HSF2BP: variants seen among roughly 807,000 people sequenced by gnomAD.
HSF2BP encodes heat shock factor 2-binding protein.
A neutral mutation model predicts 35.0 loss-of-function variants in HSF2BP; 35 were observed. That is an observed-to-expected ratio of 1.00 (90% CI 0.76 to 1.32). The LOEUF (loss-of-function observed/expected upper bound fraction) is 1.32, where lower values mean the gene tolerates loss of function less well. Among genes scored for constraint, HSF2BP ranks in the 40% most tolerant of loss-of-function variants. HSF2BP has a pLI of 0.00. For missense variants in HSF2BP, 326 were observed against 321.7 expected (o/e 1.01, Z -0.10); for synonymous variants, 114 against 117.4 (o/e 0.97, Z 0.18).
chr21:43,632,493 A>G (rs553644563), intron 5 of HSF2BP, among the ~76,000 whole-genome samples: 71 of 136,332 alleles, frequency 5.2e-4, no homozygotes, highest in African/African-American at 1.8e-3. Flanking sequence ...TGCCACACAC[A>G]CACACAGTTG....
the HSF2BP span, among the ~76,000 whole-genome samples, chr21:43,494,894 C>T: frequency 2.8e-5 from 3 of 108,590 alleles, 1 homozygote; most frequent in Non-Finnish European, 5.8e-5. Context: ...GAATGTCCGG[C>T]GTGGGCAGTG....
rs1019326827 is a variant in HSF2BP, at chr21:43,657,791, C to T, written c.36+270G>A. 29 of 963,946 alleles carry T rather than the reference C, an allele frequency of 3.0e-5. 1 individual carries two copies. In the South Asian group the frequency reaches 5.3e-4, roughly 18 times the overall value. The allele number at this position is 963,946 out of a possible 1,614,324, so 59.7% of individuals were successfully genotyped here. A position where few individuals can be genotyped will look rare whatever the true frequency, so the allele number is the denominator to read the frequency against. ...GAGAAGAGAGTGACCATCCATCCCA[C>T]GCTCCCATGCCCGCTTTGGCGCCAC... On this transcript the variant is annotated intron_variant, in intron 2 of 8. Transcript: ENST00000291560.
At chr21:43,649,458 G>A (rs1315424517) in intron 3 of HSF2BP, among the ~76,000 whole-genome samples, 1 of 151,696 alleles carries the variant, frequency 6.6e-6, no homozygotes, top group Non-Finnish European at 1.5e-5. Flanking sequence ...AAAATCTGTT[G>A]GTCAAATATC....
intron 3 of HSF2BP, among the ~76,000 whole-genome samples, chr21:43,647,674 C>T (rs149973532): frequency 3.6e-4 from 54 of 152,064 alleles, no homozygotes; most frequent in African/African-American, 1.2e-3. Flanking sequence ...GCACAAACGG[C>T]GTCAATTTAT....
At chr21:43,578,417 C>T (rs1382103083) in intron 8 of HSF2BP, among the ~76,000 whole-genome samples, 1 of 151,922 alleles carries the variant, frequency 6.6e-6, no homozygotes, top group Non-Finnish European at 1.5e-5. Context: ...TTCCCTGAGT[C>T]ATATGATCCA....
intron 5 of HSF2BP, among the ~76,000 whole-genome samples, chr21:43,632,750 G>A (rs2082497961): frequency 6.6e-6 from 1 of 152,150 alleles, no homozygotes; most frequent in Admixed American, 6.5e-5. Context: ...GTTAATCAAC[G>A]ATTTATGTTG....
chr21:43,572,481 G>A (rs2081589563), intron 8 of HSF2BP, among the ~76,000 whole-genome samples: 1 of 152,208 alleles, frequency 6.6e-6, no homozygotes, highest in South Asian at 2.1e-4. Context: ...GGTGTGAAGT[G>A]CAGCAGAGAG....
At chr21:43,445,596 G>C in the HSF2BP span, among the ~76,000 whole-genome samples, 206 of 104,892 alleles carry the variant, frequency 2.0e-3, 28 homozygotes, top group Middle Eastern at 0.021. Context: ...AAGGCAGCCG[G>C]GTGGGCACCA....
At chr21:43,603,571 G>C (rs746405671) in intron 7 of HSF2BP, among the ~76,000 whole-genome samples, 6 of 152,234 alleles carry the variant, frequency 3.9e-5, no homozygotes, top group Non-Finnish European at 7.3e-5. Context: ...GCAGACACCT[G>C]AGAGGCTGAT....
chr21:43,639,718 A>C (rs745378030), intron 4 of HSF2BP, among the ~76,000 whole-genome samples: 1 of 152,200 alleles, frequency 6.6e-6, no homozygotes, highest in Admixed American at 6.5e-5. Context: ...TCTGGAAAAC[A>C]ATTTGGCAAT....
intron 7 of HSF2BP, among the ~76,000 whole-genome samples, chr21:43,592,533 G>A (rs547828741): frequency 1.1e-4 from 17 of 152,174 alleles, no homozygotes; most frequent in Admixed American, 3.9e-4. Flanking sequence ...ACATAATACC[G>A]CCTTTCATAG....
chr21:43,643,539 TCACA>T (rs1568938077), intron 4 of HSF2BP, among the ~76,000 whole-genome samples: 1 of 152,174 alleles, frequency 6.6e-6, no homozygotes, highest in Non-Finnish European at 1.5e-5. Context: ...TGTGATCTCG[TCACA>T]CAGCCAGCTC....
chr21:43,499,859 CAT>C, the HSF2BP span, among the ~76,000 whole-genome samples: 1 of 116,720 alleles, frequency 8.6e-6, no homozygotes, highest in African/African-American at 3.2e-5. Context: ...ACCATACATG[CAT>C]ACACGCCACA....
At chr21:43,593,449 G>T (rs1292618034) in intron 7 of HSF2BP, among the ~76,000 whole-genome samples, 1 of 152,004 alleles carries the variant, frequency 6.6e-6, no homozygotes, top group Non-Finnish European at 1.5e-5. Context: ...ATAATATGAC[G>T]CATGAGAAAA....
At chr21:43,614,403 A>T (rs927734949) in intron 6 of HSF2BP, among the ~76,000 whole-genome samples, 5 of 152,044 alleles carry the variant, frequency 3.3e-5, no homozygotes, top group African/African-American at 1.2e-4. Context: ...ATGACAGCTC[A>T]GAAAGAATCA....
intron 8 of HSF2BP, among the ~76,000 whole-genome samples, chr21:43,575,010 C>T (rs2081624753): frequency 6.6e-6 from 1 of 152,232 alleles, no homozygotes. Context: ...CACAGGCAAC[C>T]AGGGCACAGG....
At position 43,644,379 on chromosome 21, in the gene HSF2BP, T is replaced by A. The variant is rs1170969457; in HGVS notation, c.201A>T (p.Lys67Asn). The change falls in exon 4 of 9, where the codon AAA (lysine) becomes AAT (asparagine). Residue 67 changes from lysine to asparagine, a missense_variant. By Grantham distance (94) the Lys-to-Asn change is moderately conservative (BLOSUM62 0). Coordinates refer to ENST00000291560, the MANE Select transcript of HSF2BP (RefSeq NM_007031.2). ...LKIVEKNLER[K>N]EQELEQLKMD... is the part of the protein sequence containing the mutation. ...TTTTCAGCTGCTCTAATTCTTGCTC[T>A]TTCCTTTCCAGGTCTAGGAGAAAGA... 6.2e-7 allele frequency: 1 copy of A among 1,613,800 alleles called. No homozygotes were observed.
chr21:43,592,280 CA>C lies in HSF2BP; in HGVS notation c.740del (p.Leu247Ter). ...LYNVSINLKG[L>X]KYISESPGFI... The stretch of plus-strand genomic sequence containing the variant: ...ATCCTGGACTCTCGCTGATGTATTT[CA>C]AGCCTTTCAAATTGATGCTTACATT... On this transcript the variant is annotated frameshift_variant, in exon 8 of 9. Transcript: ENST00000291560. LOFTEE classifies it high-confidence loss of function. 6.2e-7 allele frequency: 1 copy of C among 1,613,980 alleles called. No individual in the cohort carries two copies. The highest frequency in any genetic ancestry group is 8.5e-7 in the Non-Finnish European group (1 of 1,179,894).
At chr21:43,632,033 C>CCA (rs1230663543) in intron 5 of HSF2BP, among the ~76,000 whole-genome samples, 1 of 84,898 alleles carries the variant, frequency 1.2e-5, no homozygotes, top group Non-Finnish European at 2.2e-5. Flanking sequence ...ACACATGCTC[C>CCA]CACACACACA....
Sources: gnomAD v4.1 joint callset for allele counts (sites outside exome capture counted in the v4.1 genomes callset) on GRCh38, gnomAD v4.1.1 for gene constraint, MANE v1.5 for transcripts, NCBI Gene and HGNC (gene_info 2026-07-23, HGNC 2026-07-21) for gene names.